Variants in SUB1 observed in about 807,000 individuals in gnomAD.
The protein encoded by SUB1 is SUB1 regulator of transcription.
A neutral mutation model predicts 16.9 loss-of-function variants in SUB1; 1 was observed. The ratio of observed to expected loss-of-function variants is 0.06; its 90% CI spans 0.02 to 0.28. The LOEUF (loss-of-function observed/expected upper bound fraction) is 0.28, where lower values mean the gene tolerates loss of function less well. SUB1 is among the 10% of genes least tolerant of loss of function. SUB1 has a pLI of 1.00. For missense variants in SUB1, 84 were observed against 145.2 expected (o/e 0.58, Z 2.16); for synonymous variants, 51 against 46.9 (o/e 1.09, Z -0.36).
Position 32,599,047 on chromosome 5 carries a change from T to C in SUB1, c.282T>C (p.Gly94=). Residue 94 remains glycine, a synonymous_variant, in exon 4 of 5, where the codon GGT becomes GGC. Coordinates refer to ENST00000265073, the MANE Select transcript of SUB1 (RefSeq NM_006713.4). The part of the protein sequence containing the change: ...DIREYWMDPE[G]EMKPGRKGIS... ...GAGAATATTGGATGGATCCTGAAGGTGAAATGAAACCAGGAAGAAAAGGTG... is the reference window on the plus strand; with the variant it reads ...GAGAATATTGGATGGATCCTGAAGGCGAAATGAAACCAGGAAGAAAAGGTG... 6 of 1,613,494 alleles carry C rather than the reference T, an allele frequency of 3.7e-6. No individual in the cohort carries two copies. Among genetic ancestry groups the C allele is most frequent in the Non-Finnish European group, 5.1e-6 (6 of 1,179,700 alleles).
chr5:32,590,970 A>G (rs1561033675), intron 2 of SUB1, among the ~76,000 whole-genome samples: 2 of 151,652 alleles, frequency 1.3e-5, no homozygotes, highest in South Asian at 2.1e-4. Context: ...GGGTTTCACC[A>G]TGTGGCCAGG....
chr5:32,601,260 T>G lies in SUB1; in HGVS notation c.*176T>G. 1 of 564,434 alleles carries G rather than the reference T, an allele frequency of 1.8e-6. No homozygotes were observed. The highest frequency in any genetic ancestry group is 2.2e-5 in the South Asian group (1 of 45,348). 35.0% of individuals were successfully genotyped at this position (564,434 alleles called of 1,614,324 possible). The stretch of plus-strand genomic sequence containing the variant: ...TATTAAAAATATTGAGTGAAGCTAA[T>G]TGTCAACTTTATTAAGGATTACTTT... On this transcript the variant is annotated 3_prime_UTR_variant, in exon 5 of 5. Coordinates refer to ENST00000265073, the MANE Select transcript of SUB1 (RefSeq NM_006713.4).
At chr5:32,591,040 A>G (rs886952201) in intron 2 of SUB1, among the ~76,000 whole-genome samples, 1 of 152,044 alleles carries the variant, frequency 6.6e-6, no homozygotes, top group Non-Finnish European at 1.5e-5. Flanking sequence ...AAGTGCTGGG[A>G]TTACAGGTGT....
intron 2 of SUB1, among the ~76,000 whole-genome samples, chr5:32,589,206 T>A (rs1360794824): frequency 1.3e-5 from 2 of 152,068 alleles, no homozygotes; most frequent in Admixed American, 1.3e-4. Flanking sequence ...CTCCCACCTC[T>A]GCCTCCAGAG....
At chr5:32,591,743 C>T (rs1738832921) in intron 3 of SUB1, 58 bp downstream of exon 3, 3 of 1,487,608 alleles carry the variant, frequency 2.0e-6, no homozygotes. Context: ...CTCTGTCACC[C>T]AGGCTGGAGT....
chr5:32,597,767 A>T (rs1739005240), intron 3 of SUB1: 1 of 152,156 alleles, frequency 6.6e-6, no homozygotes, highest in African/African-American at 2.4e-5. Flanking sequence ...CCTACTGTTG[A>T]CTGGTAGCCT....
At chr5:32,596,751 C>G (rs528918184) in intron 3 of SUB1, 1 of 152,312 alleles carries the variant, frequency 6.6e-6, no homozygotes, top group South Asian at 2.1e-4. Context: ...TTGTGTTCCA[C>G]TGACCTCTTA....
intron 1 of SUB1, among the ~76,000 whole-genome samples, chr5:32,588,280 T>C (rs1240959282): frequency 6.6e-6 from 1 of 152,212 alleles, no homozygotes; most frequent in Admixed American, 6.5e-5. Flanking sequence ...TAGGAGTGTA[T>C]GACATTTAGT....
intron 2 of SUB1, among the ~76,000 whole-genome samples, chr5:32,590,688 C>T (rs898534826): frequency 3.5e-5 from 5 of 143,832 alleles, no homozygotes; most frequent in East Asian, 2.0e-4. Flanking sequence ...CTTCGCGTCC[C>T]GGGTTCAAGC....
intron 3 of SUB1, among the ~76,000 whole-genome samples, chr5:32,592,536 A>G (rs532644581): frequency 1.3e-5 from 2 of 152,302 alleles, no homozygotes; most frequent in South Asian, 4.1e-4. Context: ...GGAATAAATG[A>G]ATGCAGGTGA....
At chr5:32,594,279 T>C (rs1385440014) in intron 3 of SUB1, among the ~76,000 whole-genome samples, 1 of 152,210 alleles carries the variant, frequency 6.6e-6, no homozygotes, top group Non-Finnish European at 1.5e-5. Context: ...AGGGATGTAG[T>C]CTACCTGAGG....
intron 3 of SUB1, among the ~76,000 whole-genome samples, chr5:32,593,848 C>T (rs1336931039): frequency 2.0e-5 from 3 of 152,194 alleles, no homozygotes; most frequent in Non-Finnish European, 4.4e-5. Flanking sequence ...CATGCGCCAC[C>T]ACCCCCAGCC....
chr5:32,592,489 C>T lies in SUB1; in HGVS notation c.195+804C>T, dbSNP rs185564555. On this transcript the variant is annotated intron_variant, in intron 3 of 4. Coordinates refer to ENST00000265073, the MANE Select transcript of SUB1 (RefSeq NM_006713.4). Reference sequence around the variant, plus strand: ...TTTTAGGGAGACTTGACACTGGCATCTTTGTACAAGAAGGATTTGTGAGGA... The same window carrying T: ...TTTTAGGGAGACTTGACACTGGCATTTTTGTACAAGAAGGATTTGTGAGGA... Among the ~76,000 whole-genome samples the T allele has an allele frequency of 3.2e-3, 492 of 152,218 alleles. 2 individuals carry two copies. Among genetic ancestry groups the T allele is most frequent in the African/African-American group, 0.011 (459 of 41,534 alleles).
intron 1 of SUB1, chr5:32,586,369 C>T (rs1738669266): frequency 6.6e-6 from 1 of 152,242 alleles, no homozygotes; most frequent in African/African-American, 2.4e-5. Flanking sequence ...CCTCAATCAG[C>T]AAAGGCTGAA....
Position 32,591,597 on chromosome 5 carries a change from C to A in SUB1, c.107C>A (p.Pro36His). 6.2e-7 allele frequency: 1 copy of A among 1,607,858 alleles called. No individual in the cohort carries two copies. The highest frequency in any genetic ancestry group is 1.3e-5 in the African/African-American group (1 of 74,534). Residue 36 changes from proline to histidine, a missense_variant, in exon 3 of 5, where the codon CCT (proline) becomes CAT (histidine). By Grantham distance (77) the Pro-to-His change is moderately conservative. Coordinates refer to ENST00000265073, the MANE Select transcript of SUB1 (RefSeq NM_006713.4). ...KRKKQVAPEK[P>H]VKKQKTGETS... ...AAAAAGCAAGTTGCTCCAGAAAAAC[C>A]TGTAAAGAAACAAAAGACAGGTGAG...
At chr5:32,589,392 A>G (rs2111656591) in intron 2 of SUB1, among the ~76,000 whole-genome samples, 1 of 152,298 alleles carries the variant, frequency 6.6e-6, no homozygotes, top group Non-Finnish European at 1.5e-5. Flanking sequence ...TGGCCATAAA[A>G]TGTTAATTTT....
intron 2 of SUB1, among the ~76,000 whole-genome samples, chr5:32,589,051 C>T (rs1449154387): frequency 2.6e-5 from 4 of 151,522 alleles, no homozygotes; most frequent in African/African-American, 7.3e-5. Context: ...TCACTATTTG[C>T]CGTTATTTAG....
chr5:32,587,965 T>C (rs1738716145), intron 1 of SUB1, among the ~76,000 whole-genome samples: 1 of 152,168 alleles, frequency 6.6e-6, no homozygotes, highest in Non-Finnish European at 1.5e-5. Context: ...ATTTTGGTGA[T>C]ACGGCCAAAA....
Position 32,588,553 on chromosome 5 carries a change from G to T in SUB1, c.41G>T (p.Gly14Val). ...GAACTTGTTTCTTCAAGCTCTTCTG[G>T]CAGTGATTCTGACAGTGAGGTTGAC... ...SKELVSSSSS[G>V]SDSDSEVDKK... Residue 14 changes from glycine to valine, a missense_variant, in exon 2 of 5, where the codon GGC (glycine) becomes GTC (valine). By Grantham distance (109) the Gly-to-Val change is moderately radical. Around this residue, in one of 2 missense-constraint regions of SUB1, gnomAD observed 60 missense variants for 64.9 expected, o/e 0.92. Coordinates refer to ENST00000265073, the MANE Select transcript of SUB1 (RefSeq NM_006713.4). The T allele has an allele frequency of 6.2e-7, 1 of 1,613,082 alleles. No homozygotes were observed. The highest frequency in any genetic ancestry group is 8.5e-7 in the Non-Finnish European group (1 of 1,179,502).
Sources: allele counts gnomAD v4.1 joint callset (sites outside exome capture counted in the v4.1 genomes callset), GRCh38; gene constraint gnomAD v4.1.1; regional missense constraint gnomAD v4.1.1; transcripts MANE v1.5; gene names NCBI Gene and HGNC (gene_info 2026-07-23, HGNC 2026-07-21).